The following ARHGAP36 variants were observed in gnomAD, a reference collection of about 807,000 sequenced individuals.
The protein encoded by ARHGAP36 is Rho GTPase activating protein 36, also known as rho GTPase-activating protein 36.
ARHGAP36 carries 7 observed loss-of-function variants against 32.9 expected under a neutral mutation model. That is an observed-to-expected ratio of 0.21 (90% CI 0.12 to 0.40). ARHGAP36 has a LOEUF of 0.40. Among genes scored for constraint, ARHGAP36 ranks in the 10% least tolerant of loss-of-function variants. The pLI is 1.00. For synonymous variants in ARHGAP36, 165 were observed against 168.3 expected (o/e 0.98, Z 0.15); for missense variants, 383 against 442.2 (o/e 0.87, Z 1.20).
In ARHGAP36 at chrX:131,081,880, T is replaced by C; in HGVS notation, c.215T>C (p.Val72Ala). 4 of 1,212,061 alleles carry C rather than the reference T, an allele frequency of 3.3e-6. No homozygotes were observed. Among genetic ancestry groups the C allele is most frequent in the Non-Finnish European group, 4.5e-6 (4 of 895,625 alleles). Residue 72 changes from valine to alanine, a missense_variant, in exon 2 of 12, where the codon GTG becomes GCG. Around this residue, in one of 2 missense-constraint regions of ARHGAP36, gnomAD observed 156 missense variants for 131.0 expected, o/e 1.19. Transcript: ENST00000276211. ...KLQETAYHEL[V>A]ARHFLSEFKP... ...CAAGAGACTGCTTACCACGAACTCG[T>C]GGCCAGACATTTCCTCTCCGAATTC...
At chrX:131,073,234 T>C (rs1199254798) in intron 1 of ARHGAP36, among the ~76,000 whole-genome samples, 1 of 112,705 alleles carries the variant, frequency 8.9e-6, no homozygotes, top group African/African-American at 3.2e-5. Context: ...CAGTGAGTGG[T>C]TTCCGCGCGC....
chrX:131,078,669 CAT>C, intron 1 of ARHGAP36: 1 of 869,050 alleles, frequency 1.2e-6, no homozygotes, highest in Non-Finnish European at 1.5e-6. Flanking sequence ...CCACCCCACC[CAT>C]CTGCTTCTTG....
intron 4 of ARHGAP36, 86 bp from the exon 5 acceptor site, chrX:131,084,129 C>A: frequency 9.4e-7 from 1 of 1,059,688 alleles, no homozygotes; most frequent in Non-Finnish European, 1.3e-6. Flanking sequence ...TGTATCTTGT[C>A]CTGAATGTCA....
chrX:131,062,703 G>C (rs1486783280), intron 1 of ARHGAP36, among the ~76,000 whole-genome samples: 8 of 112,030 alleles, frequency 7.1e-5, no homozygotes, highest in Admixed American at 6.6e-4. Context: ...CTATGGCTCA[G>C]TTATCAAAAG....
chrX:131,076,741 G>C (rs1430376035), intron 1 of ARHGAP36, among the ~76,000 whole-genome samples: 2 of 112,249 alleles, frequency 1.8e-5, no homozygotes, highest in Admixed American at 9.4e-5. Flanking sequence ...TCAAATTGCT[G>C]TGTGGTCTTG....
rs2079801585 is a variant in ARHGAP36 at position 131,081,818 on chromosome X, G to C, written c.153G>C (p.Ser51=). The part of the protein sequence containing the change: ...HNPDRRTKMV[S]IHSLSELERL... The stretch of plus-strand genomic sequence containing the variant: ...CCGACCGCAGGACGAAGATGGTATC[G>C]ATACACAGCCTCTCTGAGCTGGAGC... The change falls in exon 2 of 12, where the codon TCG becomes TCC. Residue 51 remains serine, a synonymous_variant. Coordinates refer to ENST00000276211, the MANE Select transcript of ARHGAP36 (RefSeq NM_144967.4). 2 of 1,212,097 alleles carry C rather than the reference G, an allele frequency of 1.7e-6. No individual in the cohort carries two copies. The highest frequency in any genetic ancestry group is 3.0e-5 in the East Asian group (1 of 33,843).
chrX:131,062,523 T>C (rs1050447817), intron 1 of ARHGAP36, among the ~76,000 whole-genome samples: 5 of 111,440 alleles, frequency 4.5e-5, no homozygotes, highest in African/African-American at 1.6e-4. Context: ...TAACTCTGGG[T>C]GGGAAGAGGA....
intron 1 of ARHGAP36, among the ~76,000 whole-genome samples, chrX:131,060,019 C>T (rs2079660325): frequency 9.0e-6 from 1 of 111,547 alleles, no homozygotes; most frequent in Non-Finnish European, 1.9e-5. Context: ...AATCTATGTC[C>T]TGGGAACTTC....
intron 11 of ARHGAP36, among the ~76,000 whole-genome samples, chrX:131,088,067 A>T (rs1393628427): frequency 1.8e-5 from 2 of 112,388 alleles, no homozygotes; most frequent in Non-Finnish European, 3.8e-5. Context: ...TTTAAACTCT[A>T]AAGAGGTTCA....
chrX:131,060,521 G>C (rs1259717985), intron 1 of ARHGAP36, among the ~76,000 whole-genome samples: 3 of 112,486 alleles, frequency 2.7e-5, no homozygotes, highest in African/African-American at 9.7e-5. Flanking sequence ...CAGCCACACA[G>C]TTCACACAAA....
chrX:131,074,172 C>G (rs992005095), intron 1 of ARHGAP36, among the ~76,000 whole-genome samples: 2 of 111,463 alleles, frequency 1.8e-5, no homozygotes, highest in Non-Finnish European at 3.8e-5. Flanking sequence ...AGATGGCTTC[C>G]GGGAGTGTCC....
At chrX:131,083,094 G>T in intron 2 of ARHGAP36, 71 bp from the exon 3 acceptor site, 2 of 1,051,324 alleles carry the variant, frequency 1.9e-6, no homozygotes, top group Non-Finnish European at 2.6e-6. Flanking sequence ...GCAGATCAGG[G>T]CATTGGGATG....
At chrX:131,075,533 CA>C (rs1869401106) in intron 1 of ARHGAP36, among the ~76,000 whole-genome samples, 2 of 107,425 alleles carry the variant, frequency 1.9e-5, no homozygotes, top group African/African-American at 6.9e-5. Flanking sequence ...CTTTTTTTTC[CA>C]AAAACATATA....
intron 1 of ARHGAP36, among the ~76,000 whole-genome samples, chrX:131,066,282 G>A (rs1382916662): frequency 8.9e-6 from 1 of 111,785 alleles, no homozygotes; most frequent in African/African-American, 3.3e-5. Flanking sequence ...ACCAACTTCT[G>A]GTAGTGATAT....
chrX:131,064,575 T>G (rs1156822700), intron 1 of ARHGAP36, among the ~76,000 whole-genome samples: 1 of 112,087 alleles, frequency 8.9e-6, no homozygotes, highest in Non-Finnish European at 1.9e-5. Flanking sequence ...CCTCCTTTAG[T>G]CATCTGAGCA....
chrX:131,062,524 G>A (rs773005371), intron 1 of ARHGAP36, among the ~76,000 whole-genome samples: 58 of 111,460 alleles, frequency 5.2e-4, no homozygotes, highest in African/African-American at 1.6e-3. Flanking sequence ...AACTCTGGGT[G>A]GGAAGAGGAA....
chrX:131,088,835 A>G lies in ARHGAP36; in HGVS notation c.*50A>G. ...AGACAGGGGAAAAGGGTGGGGGTACATCTGGGATGTCACAGGAAACATTAA... is the reference window on the plus strand; with the variant it reads ...AGACAGGGGAAAAGGGTGGGGGTACGTCTGGGATGTCACAGGAAACATTAA... On this transcript the variant is annotated 3_prime_UTR_variant, in exon 12 of 12. Transcript: ENST00000276211. 8.6e-7 allele frequency: 1 copy of G among 1,157,903 alleles called. No individual in the cohort carries two copies. Among genetic ancestry groups the G allele is most frequent in the Non-Finnish European group, 1.1e-6 (1 of 869,767 alleles).
In ARHGAP36 at chrX:131,086,604, A is replaced by G; in HGVS notation, c.1425A>G (p.Pro475=). The G allele has an allele frequency of 1.7e-6, 2 of 1,212,093 alleles. No individual in the cohort carries two copies. The highest frequency in any genetic ancestry group is 3.5e-5 in the South Asian group (2 of 56,990). Residue 475 remains proline, a synonymous_variant, in exon 11 of 12, where the codon CCA becomes CCG. Coordinates refer to ENST00000276211, the MANE Select transcript of ARHGAP36 (RefSeq NM_144967.4). The part of the protein sequence containing the change: ...KMEEDALLSD[P]VETSAEARAA... ...AAGAGGATGCACTACTTTCTGATCC[A>G]GTGGAAACCTCTGCTGAAGCCCGGG...
At chrX:131,083,684 A>G (rs755565796) in intron 3 of ARHGAP36, 50 bp from the exon 4 acceptor site, 21 of 1,149,120 alleles carry the variant, frequency 1.8e-5, no homozygotes, top group Non-Finnish European at 2.3e-5. Context: ...TCCTGATTTA[A>G]GCGCTGCGAG....
Sources: gnomAD v4.1 joint callset for allele counts (sites outside exome capture counted in the v4.1 genomes callset) on GRCh38, gnomAD v4.1.1 for gene constraint, gnomAD v4.1.1 regional missense constraint, MANE v1.5 for transcripts, NCBI Gene and HGNC (gene_info 2026-07-23, HGNC 2026-07-21) for gene names.